The following VPS35L variants were observed in gnomAD, a reference collection of about 807,000 sequenced individuals.
VPS35L encodes VPS35 endosomal protein sorting factor like.
VPS35L carries 83 observed loss-of-function variants against 133.0 expected under a neutral mutation model. The observed-to-expected ratio is 0.62, with a 90% CI of 0.52 to 0.75. The LOEUF is 0.75. Among genes scored for constraint, VPS35L ranks in the 30% least tolerant of loss-of-function variants. The probability of loss-of-function intolerance (pLI) is 0.00; values close to 1 mark genes in which losing one functional copy is unlikely to be tolerated. For synonymous variants in VPS35L, 423 were observed against 449.9 expected, an observed-to-expected ratio of 0.94 and a Z score of 0.76; for missense variants, 1,083 against 1,206.8, an observed-to-expected ratio of 0.90 and a Z score of 1.52.
chr16:19,669,680 T>G (rs928405126), intron 27 of VPS35L, among the ~76,000 whole-genome samples: 1 of 151,962 alleles, frequency 6.6e-6, no homozygotes, highest in African/African-American at 2.4e-5. Flanking sequence ...TCTCTTTTTT[T>G]TTTTTTTGAG....
intron 3 of VPS35L, among the ~76,000 whole-genome samples, chr16:19,570,866 TATATATA>T (rs1971349348): frequency 1.1e-5 from 1 of 88,078 alleles, no homozygotes; most frequent in African/African-American, 5.8e-5. Context: ...TATATATATA[TATATATA>T]TATATATATA....
chr16:19,609,077 T>C, intron 11 of VPS35L, 56 bp downstream of exon 11: 11 of 1,447,172 alleles, frequency 7.6e-6, no homozygotes, highest in Non-Finnish European at 9.7e-6. Context: ...CTCCCATGTG[T>C]ACACAGATAG....
intron 22 of VPS35L, 99 bp from the exon 23 acceptor site, chr16:19,644,787 T>G (rs951077418): frequency 7.2e-5 from 54 of 746,290 alleles, no homozygotes; most frequent in Non-Finnish European, 8.1e-5. Context: ...AAATGCAAAA[T>G]GTTCTTACCT....
intron 8 of VPS35L, among the ~76,000 whole-genome samples, chr16:19,600,377 A>G (rs8046741): frequency 0.025 from 3,877 of 152,304 alleles, 172 homozygotes; most frequent in African/African-American, 0.089. Context: ...ACATTTTGAA[A>G]ATACATGCAC....
At chr16:19,561,319 G>A (rs761297159) in intron 1 of VPS35L, among the ~76,000 whole-genome samples, 3 of 151,984 alleles carry the variant, frequency 2.0e-5, no homozygotes, top group South Asian at 2.1e-4. Context: ...TGCACTGAGC[G>A]GAGATCGCGC....
intron 17 of VPS35L, 31 bp downstream of exon 17, chr16:19,628,784 T>G: frequency 1.3e-6 from 1 of 796,852 alleles, no homozygotes; most frequent in Non-Finnish European, 1.7e-6. Flanking sequence ...TATTTTTATT[T>G]ATTTATTTAT....
chr16:19,610,199 T>C (rs1321827838), intron 11 of VPS35L, 123 bp from the exon 12 acceptor site: 1 of 750,706 alleles, frequency 1.3e-6, no homozygotes, highest in Non-Finnish European at 2.2e-6. Context: ...CTTGGTTTGT[T>C]ACTGAAACTT....
At chr16:19,689,040 CTTTT>C (rs766276644) in intron 28 of VPS35L, among the ~76,000 whole-genome samples, 4 of 134,656 alleles carry the variant, frequency 3.0e-5, no homozygotes, top group Non-Finnish European at 6.3e-5. Flanking sequence ...GGTGTCTCTT[CTTTT>C]TTTTTTTTTT....
chr16:19,561,843 C>T (rs561630959), intron 1 of VPS35L, among the ~76,000 whole-genome samples: 2 of 152,120 alleles, frequency 1.3e-5, no homozygotes, highest in Non-Finnish European at 2.9e-5. Context: ...CAGTGGCTCA[C>T]GTTTCTAATC....
Position 19,699,659 on chromosome 16 carries a change from C to A in VPS35L, c.2793+11C>A. ...GACACCAGGACCATGGTGAGGCGCT[C>A]GGAGGGCCCCGTGGTATAAGCCCAC... is the stretch of plus-strand genomic sequence containing the variant. On this transcript the variant is annotated intron_variant, in intron 30 of 30. Coordinates refer to ENST00000417362, the MANE Select transcript of VPS35L (RefSeq NM_020314.7). The surrounding 1 kb of genome is among the most constrained non-coding windows in gnomAD (Gnocchi z 4.2). The A allele has an allele frequency of 1.2e-6, 2 of 1,612,194 alleles. No homozygotes were observed. Among genetic ancestry groups the A allele is most frequent in the South Asian group, 1.1e-5 (1 of 91,022 alleles).
intron 28 of VPS35L, among the ~76,000 whole-genome samples, chr16:19,687,233 C>A (rs1040820183): frequency 6.6e-6 from 1 of 152,226 alleles, no homozygotes; most frequent in Non-Finnish European, 1.5e-5. Flanking sequence ...GACCTTCCCT[C>A]TTCTCCATTG....
chr16:19,668,484 C>T (rs951926636), intron 26 of VPS35L, among the ~76,000 whole-genome samples: 1 of 152,136 alleles, frequency 6.6e-6, no homozygotes, highest in African/African-American at 2.4e-5. Context: ...TCCTCTCTTA[C>T]TCCCTTTGAA....
At chr16:19,575,233 G>T in intron 5 of VPS35L, 111 bp downstream of exon 5, 1 of 975,472 alleles carries the variant, frequency 1.0e-6, no homozygotes. Context: ...TGATTCAGTT[G>T]GAGCTGCTAT....
intron 26 of VPS35L, chr16:19,652,410 TC>T (rs1160907928): frequency 4.7e-6 from 1 of 211,956 alleles, no homozygotes; most frequent in Non-Finnish European, 9.5e-6. Flanking sequence ...GCTCAAATGT[TC>T]CTGCTTCCCA....
intron 9 of VPS35L, among the ~76,000 whole-genome samples, chr16:19,606,735 A>G (rs914944306): frequency 2.0e-5 from 3 of 152,252 alleles, no homozygotes; most frequent in Non-Finnish European, 4.4e-5. Flanking sequence ...TATATTCTAA[A>G]GTAACTAACT....
At chr16:19,604,813 C>T (rs925349799) in intron 9 of VPS35L, among the ~76,000 whole-genome samples, 2 of 152,160 alleles carry the variant, frequency 1.3e-5, no homozygotes, top group East Asian at 1.9e-4. Context: ...TAAGGTATAG[C>T]TCTTCGGAGT....
intron 8 of VPS35L, among the ~76,000 whole-genome samples, chr16:19,599,394 A>G (rs1191416264): frequency 6.6e-6 from 1 of 152,192 alleles, no homozygotes; most frequent in Non-Finnish European, 1.5e-5. Flanking sequence ...CTATTTCTGT[A>G]GATTCCAGAG....
chr16:19,634,411 C>A (rs548078414), intron 19 of VPS35L, among the ~76,000 whole-genome samples: 1 of 125,016 alleles, frequency 8.0e-6, no homozygotes. Context: ...GAGAGAGACA[C>A]GGTCTCAAAA....
chr16:19,687,786 G>A (rs17676607), intron 28 of VPS35L, among the ~76,000 whole-genome samples: 31,977 of 151,970 alleles, frequency 0.21, 4,154 homozygotes, highest in Non-Finnish European at 0.28. Context: ...TTGCACAAAA[G>A]TAGCAAAATA....
Sources: gnomAD v4.1 joint callset for allele counts (sites outside exome capture counted in the v4.1 genomes callset) on GRCh38, gnomAD v4.1.1 for gene constraint, Gnocchi (gnomAD v3.1) non-coding constraint, MANE v1.5 for transcripts, NCBI Gene and HGNC (gene_info 2026-07-23, HGNC 2026-07-21) for gene names.